IMPG2: variants seen among roughly 807,000 people sequenced by gnomAD.
IMPG2 encodes the protein IPM 200.
In IMPG2, 91 loss-of-function variants were observed where a neutral mutation model predicts 129.2. That is an observed-to-expected ratio of 0.70 (90% CI 0.59 to 0.84). The LOEUF is 0.84. Ranked by LOEUF, IMPG2 falls within the 40% of genes least tolerant of loss-of-function variation. The pLI is 0.00. For synonymous variants in IMPG2, 510 were observed against 517.7 expected, an observed-to-expected ratio of 0.99 and a Z score of 0.20; for missense variants, 1,430 against 1,461.7, an observed-to-expected ratio of 0.98 and a Z score of 0.35.
At chr3:101,293,461 G>A (rs1270759584) in intron 3 of IMPG2, among the ~76,000 whole-genome samples, 2 of 152,176 alleles carry the variant, frequency 1.3e-5, no homozygotes, top group Non-Finnish European at 1.5e-5. Context: ...ACTGTAAACA[G>A]ATGTGGTGCC....
chr3:101,252,931 T>C (rs1202963368), intron 11 of IMPG2, among the ~76,000 whole-genome samples: 2 of 152,304 alleles, frequency 1.3e-5, no homozygotes, highest in East Asian at 1.9e-4. Flanking sequence ...GTCCCCCTAC[T>C]GTTTGTATAT....
In IMPG2 at chr3:101,253,335, C is replaced by T. The variant is rs41273573; in HGVS notation, c.1239+361G>A. Reference sequence around the variant, plus strand: ...TGAAACAAAAAATCTACGCTCTATACCTAGTACATCAATTTATCATGTTGG... The same window carrying T: ...TGAAACAAAAAATCTACGCTCTATATCTAGTACATCAATTTATCATGTTGG... On this transcript the variant is annotated intron_variant, in intron 11 of 18. Coordinates refer to ENST00000193391, the MANE Select transcript of IMPG2 (RefSeq NM_016247.4). 4.9e-3 allele frequency among the ~76,000 whole-genome samples: 746 copies of T among 152,200 alleles called. 4 individuals are homozygous for T. The highest frequency in any genetic ancestry group is 8.2e-3 in the Non-Finnish European group (556 of 67,988).
intron 7 of IMPG2, among the ~76,000 whole-genome samples, chr3:101,270,519 G>T (rs2107247748): frequency 6.6e-6 from 1 of 152,200 alleles, no homozygotes; most frequent in Non-Finnish European, 1.5e-5. Flanking sequence ...ACTGGAGGTG[G>T]AAAATAGTAT....
At chr3:101,279,267 A>C (rs532795732) in intron 4 of IMPG2, among the ~76,000 whole-genome samples, 1 of 152,218 alleles carries the variant, frequency 6.6e-6, no homozygotes, top group Non-Finnish European at 1.5e-5. Context: ...CACCTTAAGA[A>C]GGAGATCCTA....
intron 11 of IMPG2, among the ~76,000 whole-genome samples, chr3:101,249,205 C>T (rs1236045675): frequency 5.3e-5 from 8 of 152,090 alleles, no homozygotes; most frequent in Non-Finnish European, 1.2e-4. Flanking sequence ...TTTTTTGCTC[C>T]TTTAACCCTA....
intron 4 of IMPG2, among the ~76,000 whole-genome samples, chr3:101,286,838 C>T (rs886368033): frequency 6.6e-6 from 1 of 152,122 alleles, no homozygotes; most frequent in Non-Finnish European, 1.5e-5. Context: ...AATCAGCAGG[C>T]AGGAGAACCC....
At chr3:101,310,170 A>G (rs1242200008) in intron 2 of IMPG2, among the ~76,000 whole-genome samples, 1 of 152,210 alleles carries the variant, frequency 6.6e-6, no homozygotes, top group Non-Finnish European at 1.5e-5. Context: ...CACCTTTAAG[A>G]AAGTAAACAA....
At chr3:101,267,641 G>A in intron 8 of IMPG2, 110 bp from the exon 9 acceptor site, 1 of 916,622 alleles carries the variant, frequency 1.1e-6, no homozygotes, top group Non-Finnish European at 1.8e-6. Context: ...TCTTTGAAAT[G>A]CTTCCTTAAA....
intron 3 of IMPG2, among the ~76,000 whole-genome samples, chr3:101,292,070 A>T (rs1314837207): frequency 6.6e-6 from 1 of 152,200 alleles, no homozygotes; most frequent in African/African-American, 2.4e-5. Flanking sequence ...AGGAATAGTG[A>T]CTTGGAATCA....
intron 11 of IMPG2, among the ~76,000 whole-genome samples, chr3:101,250,762 A>G (rs1186448872): frequency 6.6e-6 from 1 of 152,136 alleles, no homozygotes; most frequent in Non-Finnish European, 1.5e-5. Context: ...GGTTTATAAG[A>G]CCCAGGTCAA....
Position 101,245,943 on chromosome 3 carries a change from A to G in IMPG2, c.1402T>C (p.Ser468Pro), listed in dbSNP as rs754635287. Residue 468 changes from serine (S) to proline (P), a missense_variant, in exon 12 of 19, where the codon TCG (serine) becomes CCG (proline). Transcript: ENST00000193391. ...LVSTHKLAFP[S>P]KMGLSSSPEV... The stretch of plus-strand genomic sequence containing the variant: ...GGGGAAGAGCTGAGGCCCATCTTCG[A>G]GGGAAAGGCTAATTTGTGTGTAGAC... 8 of 1,614,170 alleles carry G rather than the reference A, an allele frequency of 5.0e-6. No individual in the cohort carries two copies. In the South Asian group the frequency reaches 8.8e-5, roughly 18 times the overall value.
rs1216055761 is a variant in IMPG2, at chr3:101,229,597, G to A, written c.3423-7C>T. 1.2e-6 allele frequency: 2 copies of A among 1,611,374 alleles called. No homozygotes were observed. Among genetic ancestry groups the A allele is most frequent in the African/African-American group, 1.3e-5 (1 of 75,014 alleles). On this transcript the variant is annotated splice_region_variant and splice_polypyrimidine_tract_variant and intron_variant, in intron 16 of 18. Coordinates refer to ENST00000193391, the MANE Select transcript of IMPG2 (RefSeq NM_016247.4). ...AGGCTGCCTGCTGGAGCCACTAAAA[G>A]AAAGATATGATGGATTCAGGCTCTT...
chr3:101,294,067 TTTTATTTA>T (rs925358831), intron 3 of IMPG2, among the ~76,000 whole-genome samples: 1 of 152,146 alleles, frequency 6.6e-6, no homozygotes, highest in Non-Finnish European at 1.5e-5. Flanking sequence ...TTAAATTTAT[TTTTATTTA>T]TTTATTTATT....
chr3:101,255,287 A>T (rs1706586627), intron 10 of IMPG2, among the ~76,000 whole-genome samples: 1 of 152,128 alleles, frequency 6.6e-6, no homozygotes, highest in South Asian at 2.1e-4. Flanking sequence ...TAATTGAAAT[A>T]TATGTCTAAT....
At chr3:101,274,806 A>G (rs1706823720) in intron 6 of IMPG2, among the ~76,000 whole-genome samples, 1 of 152,170 alleles carries the variant, frequency 6.6e-6, no homozygotes. Context: ...TTCATTCACA[A>G]ATATTTATCA....
At chr3:101,272,522 G>T (rs1706797076) in intron 7 of IMPG2, among the ~76,000 whole-genome samples, 1 of 152,256 alleles carries the variant, frequency 6.6e-6, no homozygotes, top group South Asian at 2.1e-4. Flanking sequence ...GTCATTCCAT[G>T]CAATTGTTTA....
intron 14 of IMPG2, 35 bp downstream of exon 14, chr3:101,242,653 C>T (rs766907882): frequency 6.9e-7 from 1 of 1,441,510 alleles, no homozygotes; most frequent in South Asian, 1.1e-5. Flanking sequence ...TCACTGGATT[C>T]TACTAAGAAA....
chr3:101,289,309 G>T (rs1284951493), intron 4 of IMPG2, among the ~76,000 whole-genome samples: 3 of 152,102 alleles, frequency 2.0e-5, no homozygotes, highest in Non-Finnish European at 4.4e-5. Context: ...ATTAATAGAG[G>T]TTAAAAATCA....
chr3:101,243,458 T>A, intron 13 of IMPG2, 71 bp downstream of exon 13: 1 of 1,340,058 alleles, frequency 7.5e-7, no homozygotes, highest in Non-Finnish European at 1.1e-6. Context: ...AGACCTTATG[T>A]GCTAGAGGGG....
Sources: gnomAD v4.1 joint callset for allele counts (sites outside exome capture counted in the v4.1 genomes callset) on GRCh38, gnomAD v4.1.1 for gene constraint, MANE v1.5 for transcripts, NCBI Gene and HGNC (gene_info 2026-07-23, HGNC 2026-07-21) for gene names.